The following JAK2 variants were observed in gnomAD, a reference collection of about 807,000 sequenced individuals.
JAK2 encodes tyrosine-protein kinase JAK2.
In JAK2, 86 loss-of-function variants were observed where a neutral mutation model predicts 139.3. That is an observed-to-expected ratio of 0.62 (90% CI 0.52 to 0.74). The LOEUF is 0.74. Among genes scored for constraint, JAK2 ranks in the 30% least tolerant of loss-of-function variants. The pLI, the probability that JAK2 is intolerant of heterozygous loss-of-function variation, is 0.00. For synonymous variants in JAK2, 490 were observed against 437.7 expected, an observed-to-expected ratio of 1.12 and a Z score of -1.49; for missense variants, 1,421 against 1,360.3, an observed-to-expected ratio of 1.04 and a Z score of -0.70.
chr9:5,044,579 T>C (rs886820120), intron 5 of JAK2, 59 bp downstream of exon 5: 24 of 1,070,070 alleles, frequency 2.2e-5, no homozygotes, highest in Non-Finnish European at 3.1e-5. Context: ...TGCTGTTTAA[T>C]AAGTCACTTA....
chr9:5,120,949 A>T (rs1156380959), intron 22 of JAK2, among the ~76,000 whole-genome samples: 1 of 152,192 alleles, frequency 6.6e-6, no homozygotes, highest in Non-Finnish European at 1.5e-5. Flanking sequence ...AAATGTTCTA[A>T]AAGTCTGGAG....
chr9:5,101,054 G>A (rs1170230597), intron 22 of JAK2: 1 of 152,274 alleles, frequency 6.6e-6, no homozygotes, highest in Non-Finnish European at 1.5e-5. Flanking sequence ...AGCCCACAGA[G>A]GGCAAGTTGA....
chr9:5,006,131 G>A (rs1330917147), intron 2 of JAK2, among the ~76,000 whole-genome samples: 1 of 152,134 alleles, frequency 6.6e-6, no homozygotes, highest in Non-Finnish European at 1.5e-5. Context: ...CATGAGCATG[G>A]AATGTTCTTC....
intron 2 of JAK2, among the ~76,000 whole-genome samples, chr9:5,021,619 C>CT (rs150443640): frequency 0.014 from 2,125 of 152,126 alleles, 64 homozygotes; most frequent in African/African-American, 0.049. Context: ...CCATTTGTAA[C>CT]TTTATTTATT....
intron 14 of JAK2, among the ~76,000 whole-genome samples, chr9:5,074,480 G>A (rs139351693): frequency 6.6e-6 from 1 of 152,164 alleles, no homozygotes; most frequent in Non-Finnish European, 1.5e-5. Flanking sequence ...AAAATCATAT[G>A]GTGATCTGTG....
intron 8 of JAK2, among the ~76,000 whole-genome samples, chr9:5,059,656 CTT>C (rs1818022270): frequency 6.6e-6 from 1 of 152,124 alleles, no homozygotes. Flanking sequence ...TCAGTTCACT[CTT>C]CTTTCAGTAA....
At chr9:5,107,195 C>G (rs973346030) in intron 22 of JAK2, among the ~76,000 whole-genome samples, 7 of 152,114 alleles carry the variant, frequency 4.6e-5, no homozygotes, top group African/African-American at 1.4e-4. Context: ...TTCCAATCAA[C>G]TAGTTTCGAT....
chr9:4,998,431 A>AT (rs1460717186), intron 2 of JAK2, among the ~76,000 whole-genome samples: 1 of 151,876 alleles, frequency 6.6e-6, no homozygotes, highest in Non-Finnish European at 1.5e-5. Context: ...TAATTTTTGT[A>AT]TTTTTAGTAG....
In JAK2 at chr9:5,126,821, T is replaced by A. The variant is rs777581645; in HGVS notation, c.*30T>A. 1 of 1,375,070 alleles carries A rather than the reference T, an allele frequency of 7.3e-7. No homozygotes were observed. Among genetic ancestry groups the A allele is most frequent in the East Asian group, 2.3e-5 (1 of 43,592 alleles). 85.2% of individuals were successfully genotyped at this position (1,375,070 alleles called of 1,614,324 possible). On this transcript the variant is annotated 3_prime_UTR_variant, in exon 25 of 25. Transcript: ENST00000381652. ...AATGACCTTCATTCTGAGACCAAAGTAGATTTACAGAACAAAGTTTTATAT... is the reference window on the plus strand; with the variant it reads ...AATGACCTTCATTCTGAGACCAAAGAAGATTTACAGAACAAAGTTTTATAT...
intron 22 of JAK2, among the ~76,000 whole-genome samples, chr9:5,101,191 T>C (rs1821452634): frequency 6.6e-6 from 1 of 152,220 alleles, no homozygotes; most frequent in Non-Finnish European, 1.5e-5. Flanking sequence ...TACTGTGCTT[T>C]TCCAACAGTC....
At chr9:5,060,110 C>CTT (rs1165039109) in intron 8 of JAK2, among the ~76,000 whole-genome samples, 1 of 152,110 alleles carries the variant, frequency 6.6e-6, no homozygotes, top group East Asian at 1.9e-4. Flanking sequence ...ACTAAGTGTG[C>CTT]AACAGCATTA....
chr9:5,009,243 T>C (rs1821525240), intron 2 of JAK2, among the ~76,000 whole-genome samples: 1 of 152,174 alleles, frequency 6.6e-6, no homozygotes, highest in Admixed American at 6.5e-5. Context: ...GAACGATCCA[T>C]TTATTTATTT....
At chr9:5,060,042 A>G (rs1008655832) in intron 8 of JAK2, among the ~76,000 whole-genome samples, 1 of 152,248 alleles carries the variant, frequency 6.6e-6, no homozygotes, top group Non-Finnish European at 1.5e-5. Flanking sequence ...AGTGAGTCAC[A>G]TAAATTTTTT....
At chr9:5,088,542 CAA>C (rs59331584) in intron 19 of JAK2, among the ~76,000 whole-genome samples, 266 of 150,030 alleles carry the variant, frequency 1.8e-3, no homozygotes, top group Non-Finnish European at 2.4e-3. Flanking sequence ...AAGACATCTT[CAA>C]AAAAAAAAAT....
At chr9:5,044,719 A>G (rs551247172) in intron 5 of JAK2, among the ~76,000 whole-genome samples, 199 bp downstream of exon 5, 33 of 152,022 alleles carry the variant, frequency 2.2e-4, no homozygotes, top group Non-Finnish European at 3.8e-4. Flanking sequence ...AATCTATTTT[A>G]TAAAGTTTTT....
intron 7 of JAK2, among the ~76,000 whole-genome samples, chr9:5,055,461 A>G (rs934634227): frequency 6.6e-6 from 1 of 152,034 alleles, no homozygotes; most frequent in East Asian, 1.9e-4. Context: ...TCCTGGCATC[A>G]TTTAATGCCC....
chr9:5,030,156 TTAAA>T (rs1050502873), intron 4 of JAK2, among the ~76,000 whole-genome samples: 27 of 152,328 alleles, frequency 1.8e-4, no homozygotes, highest in Admixed American at 1.0e-3. Flanking sequence ...ATGATTATAA[TTAAA>T]TAAGTAAACA....
At chr9:4,988,815 A>T (rs1006320314) in intron 2 of JAK2, among the ~76,000 whole-genome samples, 1 of 152,024 alleles carries the variant, frequency 6.6e-6, no homozygotes. Flanking sequence ...ACCATTTTCT[A>T]CCCCTTAATT....
intron 8 of JAK2, among the ~76,000 whole-genome samples, chr9:5,059,068 A>C (rs1452124036): frequency 1.3e-5 from 2 of 151,932 alleles, no homozygotes; most frequent in Non-Finnish European, 2.9e-5. Context: ...TTTTCTTTTT[A>C]CTTTGTTGAG....
Sources: allele counts gnomAD v4.1 joint callset (sites outside exome capture counted in the v4.1 genomes callset), GRCh38; gene constraint gnomAD v4.1.1; transcripts MANE v1.5; gene names NCBI Gene and HGNC (gene_info 2026-07-23, HGNC 2026-07-21).